Variants in ADGRL3 observed in about 807,000 individuals in gnomAD.
ADGRL3 encodes calcium-independent alpha-latrotoxin receptor 3.
ADGRL3 carries 62 observed loss-of-function variants against 153.5 expected under a neutral mutation model. That is an observed-to-expected ratio of 0.40 (90% CI 0.33 to 0.50). The LOEUF is 0.50. Among genes scored for constraint, ADGRL3 ranks in the 20% least tolerant of loss-of-function variants. The pLI, the probability that ADGRL3 is intolerant of heterozygous loss-of-function variation, is 0.47. For synonymous variants in ADGRL3, 710 were observed against 672.5 expected (o/e 1.06, Z -0.86); for missense variants, 1,641 against 1,859.4 (o/e 0.88, Z 2.16).
intron 8 of ADGRL3, among the ~76,000 whole-genome samples, chr4:61,781,353 GAAAA>G (rs2097212101): frequency 7.2e-6 from 1 of 138,636 alleles, no homozygotes; most frequent in South Asian, 2.2e-4. Context: ...AAAAAGAAAA[GAAAA>G]GAAAAAGAAA....
At chr4:61,769,836 A>G (rs562789438) in intron 8 of ADGRL3, among the ~76,000 whole-genome samples, 11 of 151,972 alleles carry the variant, frequency 7.2e-5, no homozygotes, top group Non-Finnish European at 1.5e-4. Flanking sequence ...AAGGACTTTC[A>G]CAAGGTAATG....
chr4:61,432,570 C>CTTTCTTTCTTTCTT lies in ADGRL3; in HGVS notation c.-174+49383_-174+49384insTCTTTCTTTCTTTT, dbSNP rs869223130. The stretch of plus-strand genomic sequence containing the variant: ...GCCTTTATAGATTTCTTTTCTTTCT[C>CTTTCTTTCTTTCTT]TTCCTTTCTTTCTTTCTTTCTTTCT... On this transcript the variant is annotated intron_variant, in intron 2 of 26. Coordinates refer to ENST00000683033, the MANE Select transcript of ADGRL3 (RefSeq NM_001387552.1). Among the ~76,000 whole-genome samples the CTTTCTTTCTTTCTT allele has an allele frequency of 1.9e-3, 135 of 71,532 alleles. 8 individuals carry two copies. Among genetic ancestry groups the CTTTCTTTCTTTCTT allele is most frequent in the Middle Eastern group, 9.1e-3 (1 of 110 alleles). The allele number at this position is 71,532 out of a possible 152,430, so 46.9% of individuals were successfully genotyped here.
chr4:61,920,495 A>C (rs1409742113), intron 13 of ADGRL3, among the ~76,000 whole-genome samples: 1 of 152,222 alleles, frequency 6.6e-6, no homozygotes, highest in Non-Finnish European at 1.5e-5. Context: ...CCTTTATCTA[A>C]TATACGAATC....
chr4:61,857,296 A>G (rs2098285923), intron 9 of ADGRL3, among the ~76,000 whole-genome samples: 1 of 152,072 alleles, frequency 6.6e-6, no homozygotes, highest in Admixed American at 6.5e-5. Context: ...TATAAGGGAA[A>G]GCCTAGAAAT....
intron 2 of ADGRL3, among the ~76,000 whole-genome samples, chr4:61,388,259 T>G (rs2096762951): frequency 6.6e-6 from 1 of 152,136 alleles, no homozygotes; most frequent in Non-Finnish European, 1.5e-5. Context: ...AACAATATGA[T>G]CTACCATACA....
chr4:61,496,301 G>A (rs981283322), intron 2 of ADGRL3, among the ~76,000 whole-genome samples: 2 of 152,152 alleles, frequency 1.3e-5, no homozygotes, highest in Admixed American at 6.5e-5. Flanking sequence ...AAATTATACT[G>A]TGGTATAATT....
At chr4:62,055,460 A>G (rs1736487331) in intron 25 of ADGRL3, among the ~76,000 whole-genome samples, 1 of 151,818 alleles carries the variant, frequency 6.6e-6, no homozygotes, top group Non-Finnish European at 1.5e-5. Flanking sequence ...TTGGCTATTA[A>G]AAGTGCACAG....
Position 61,740,231 on chromosome 4 carries a change from T to C in ADGRL3, c.1399+6677T>C, listed in dbSNP as rs188735969. 1.2e-3 allele frequency among the ~76,000 whole-genome samples: 179 copies of C among 152,338 alleles called. 3 individuals are homozygous for C. Among genetic ancestry groups the C allele is most frequent in the African/African-American group, 4.0e-3 (166 of 41,590 alleles). ...TCTTATAAAATACAATATAAAAGTA[T>C]ACCTTTATTATTACCTTTAACTGGC... On this transcript the variant is annotated intron_variant, in intron 8 of 26. Coordinates refer to ENST00000683033, the MANE Select transcript of ADGRL3 (RefSeq NM_001387552.1).
At chr4:61,787,916 T>C (rs1402255047) in intron 8 of ADGRL3, among the ~76,000 whole-genome samples, 2 of 121,948 alleles carry the variant, frequency 1.6e-5, no homozygotes, top group African/African-American at 7.9e-5. Flanking sequence ...GAAAATAACT[T>C]AGAAAAAATG....
chr4:61,806,742 C>T (rs915885911), intron 8 of ADGRL3, among the ~76,000 whole-genome samples: 3 of 151,896 alleles, frequency 2.0e-5, no homozygotes, highest in African/African-American at 7.2e-5. Flanking sequence ...ACAAATTATG[C>T]CCTTTATCTA....
intron 21 of ADGRL3, among the ~76,000 whole-genome samples, chr4:62,027,177 T>C (rs543668139): frequency 2.6e-4 from 40 of 152,190 alleles, no homozygotes; most frequent in African/African-American, 9.4e-4. Context: ...GTAATATAAG[T>C]ACAGGATTTT....
intron 2 of ADGRL3, among the ~76,000 whole-genome samples, chr4:61,446,218 A>T (rs1456875): frequency 0.93 from 141,887 of 152,234 alleles, 66,961 homozygotes; most frequent in East Asian, 1. Flanking sequence ...TTCTTTTGTA[A>T]GTGGAAAAGC....
intron 1 of ADGRL3, among the ~76,000 whole-genome samples, chr4:61,215,787 C>G (rs1278482325): frequency 3.3e-5 from 5 of 151,756 alleles, no homozygotes; most frequent in African/African-American, 1.2e-4. Context: ...CTCCTGACCT[C>G]GTGATCCATC....
At chr4:61,934,357 G>A (rs2098829645) in intron 13 of ADGRL3, among the ~76,000 whole-genome samples, 1 of 152,170 alleles carries the variant, frequency 6.6e-6, no homozygotes, top group Admixed American at 6.6e-5. Context: ...TTTGCTATGT[G>A]AGTCATCAAC....
At chr4:61,492,340 A>G (rs2098267794) in intron 2 of ADGRL3, among the ~76,000 whole-genome samples, 1 of 152,174 alleles carries the variant, frequency 6.6e-6, no homozygotes, top group African/African-American at 2.4e-5. Context: ...TAAACAAGAT[A>G]TAGTTTCTTG....
intron 15 of ADGRL3, among the ~76,000 whole-genome samples, chr4:61,937,261 T>C (rs1361063022): frequency 6.6e-6 from 1 of 152,160 alleles, no homozygotes; most frequent in East Asian, 1.9e-4. Flanking sequence ...GCCCGCCACA[T>C]GCTACCTGGT....
chr4:61,668,628 T>C (rs1454689104), intron 5 of ADGRL3, among the ~76,000 whole-genome samples: 1 of 152,204 alleles, frequency 6.6e-6, no homozygotes, highest in Non-Finnish European at 1.5e-5. Context: ...AATCACTTTA[T>C]GAATCACAGA....
intron 1 of ADGRL3, among the ~76,000 whole-genome samples, chr4:61,344,293 G>A (rs1330235263): frequency 6.6e-6 from 1 of 152,114 alleles, no homozygotes; most frequent in Non-Finnish European, 1.5e-5. Flanking sequence ...TATAAGAATT[G>A]CTAACAGTTG....
intron 2 of ADGRL3, among the ~76,000 whole-genome samples, chr4:61,432,022 C>A (rs894374754): frequency 3.3e-5 from 5 of 152,088 alleles, no homozygotes; most frequent in African/African-American, 1.2e-4. Context: ...ACAAAATGGA[C>A]CTACAGAGCT....
Sources: gnomAD v4.1 joint callset for allele counts (sites outside exome capture counted in the v4.1 genomes callset) on GRCh38, gnomAD v4.1.1 for gene constraint, MANE v1.5 for transcripts, NCBI Gene and HGNC (gene_info 2026-07-23, HGNC 2026-07-21) for gene names.